PCDHGA3: variants seen among roughly 807,000 people sequenced by gnomAD.
PCDHGA3 encodes the protein protocadherin gamma subfamily A, 3.
Under a neutral mutation model 58.5 loss-of-function variants are expected in PCDHGA3, and 40 were observed. That is an observed-to-expected ratio of 0.68 (90% CI 0.53 to 0.89). PCDHGA3 has a LOEUF of 0.89. Among genes scored for constraint, PCDHGA3 ranks in the 40% least tolerant of loss-of-function variants. PCDHGA3 has a pLI of 0.00. For synonymous variants in PCDHGA3, 530 were observed against 525.7 expected, an observed-to-expected ratio of 1.01 and a Z score of -0.11; for missense variants, 1,223 against 1,195.9, an observed-to-expected ratio of 1.02 and a Z score of -0.33.
chr5:141,482,546 A>C (rs1489817593), intron 1 of PCDHGA3, among the ~76,000 whole-genome samples: 1 of 151,868 alleles, frequency 6.6e-6, no homozygotes, highest in African/African-American at 2.4e-5. Context: ...AAAAAAAAAA[A>C]AAAGATAATG....
intron 1 of PCDHGA3, chr5:141,419,434 G>A (rs372006900): frequency 2.5e-5 from 41 of 1,613,112 alleles, no homozygotes; most frequent in Non-Finnish European, 3.3e-5. Flanking sequence ...ACGAGCAGCT[G>A]CGCACCTTCG....
intron 1 of PCDHGA3, chr5:141,426,194 T>C (rs1482565872): frequency 6.4e-6 from 1 of 155,380 alleles, no homozygotes; most frequent in Non-Finnish European, 1.4e-5. Context: ...ACTGGGAGCA[T>C]TGAGTTTTCT....
At chr5:141,390,114 G>A in intron 1 of PCDHGA3, 1 of 1,614,048 alleles carries the variant, frequency 6.2e-7, no homozygotes, top group African/African-American at 1.3e-5. Flanking sequence ...CTACAGCGAG[G>A]GGACTTTGCC....
At chr5:141,365,447 G>C in intron 1 of PCDHGA3, 2 of 1,614,034 alleles carry the variant, frequency 1.2e-6, no homozygotes, top group Non-Finnish European at 1.7e-6. Flanking sequence ...TAGCGTACAT[G>C]ATGGTGATTC....
intron 1 of PCDHGA3, chr5:141,430,688 A>G: frequency 1.4e-6 from 2 of 1,402,360 alleles, no homozygotes; most frequent in Non-Finnish European, 1.9e-6. Context: ...GTCCCATTCT[A>G]TGGGCGAAGG....
At chr5:141,363,387 G>A (rs1302149411) in intron 1 of PCDHGA3, among the ~76,000 whole-genome samples, 2 of 151,916 alleles carry the variant, frequency 1.3e-5, no homozygotes, top group African/African-American at 4.8e-5. Flanking sequence ...TTCTATTTCT[G>A]TTGTCATATA....
Position 141,476,845 on chromosome 5 carries a change from C to T in PCDHGA3, c.2425-17962C>T. On this transcript the variant is annotated intron_variant, in intron 1 of 3. Transcript: ENST00000253812. The surrounding 1 kb of genome is among the most constrained non-coding windows in gnomAD (Gnocchi z 7.6). ...TGGACGCGAATGACAATGCGCCTGT[C>T]TTCAACCAGTCCTTGTACCGGGCGC... 1 of 1,613,794 alleles carries T rather than the reference C, an allele frequency of 6.2e-7. No homozygotes were observed. Among genetic ancestry groups the T allele is most frequent in the Non-Finnish European group, 8.5e-7 (1 of 1,180,054 alleles).
intron 1 of PCDHGA3, chr5:141,400,289 G>A: frequency 6.2e-7 from 1 of 1,614,074 alleles, no homozygotes; most frequent in South Asian, 1.1e-5. Context: ...GCCGCCTGGA[G>A]CTGCTTCCAA....
chr5:141,413,049 A>C (rs2095599926), intron 1 of PCDHGA3: 5 of 904,176 alleles, frequency 5.5e-6, no homozygotes, highest in Non-Finnish European at 8.1e-6. Context: ...GCTGCAGGGA[A>C]GCTCACTCCA....
intron 1 of PCDHGA3, chr5:141,392,278 G>C (rs2092498621): frequency 6.6e-6 from 1 of 152,148 alleles, no homozygotes; most frequent in Non-Finnish European, 1.5e-5. Flanking sequence ...ATAAAGCTTA[G>C]AGCACAATGG....
At chr5:141,444,380 A>G (rs1475986922) in intron 1 of PCDHGA3, among the ~76,000 whole-genome samples, 1 of 151,876 alleles carries the variant, frequency 6.6e-6, no homozygotes, top group Non-Finnish European at 1.5e-5. Context: ...CATGTTGGTC[A>G]GGCTAGTCTT....
chr5:141,482,248 C>G (rs1056466272), intron 1 of PCDHGA3, among the ~76,000 whole-genome samples: 1 of 152,084 alleles, frequency 6.6e-6, no homozygotes, highest in African/African-American at 2.4e-5. Context: ...AAGTATAGTA[C>G]TGTACATATT....
chr5:141,383,504 G>A lies in PCDHGA3; in HGVS notation c.2424+37047G>A, dbSNP rs373658496. On this transcript the variant is annotated intron_variant, in intron 1 of 3. Coordinates refer to ENST00000253812, the MANE Select transcript of PCDHGA3 (RefSeq NM_018916.4). Reference sequence around the variant, plus strand: ...CTGGTGCTGGAGCGGGTGCTGGACCGGGAGGAAGAGCGGGTTCACCACCTG... The same window carrying A: ...CTGGTGCTGGAGCGGGTGCTGGACCAGGAGGAAGAGCGGGTTCACCACCTG... 1.3e-5 allele frequency: 21 copies of A among 1,612,648 alleles called. No homozygotes were observed. In the Admixed American group the frequency reaches 2.8e-4, roughly 22 times the overall value.
chr5:141,509,350 G>C (rs2099876432), intron 3 of PCDHGA3, among the ~76,000 whole-genome samples: 5 of 152,142 alleles, frequency 3.3e-5, no homozygotes. Flanking sequence ...GGGCTGGCCT[G>C]GGCATCCCTG....
intron 1 of PCDHGA3, among the ~76,000 whole-genome samples, chr5:141,380,822 T>G (rs1446261285): frequency 1.3e-5 from 2 of 152,212 alleles, no homozygotes; most frequent in African/African-American, 4.8e-5. Flanking sequence ...AACTATGAAT[T>G]TTGAGGCATC....
chr5:141,511,412 C>A lies in PCDHGA3; in HGVS notation c.*239C>A. 1.1e-6 allele frequency: 1 copy of A among 892,000 alleles called. No homozygotes were observed. Among genetic ancestry groups the A allele is most frequent in the Non-Finnish European group, 1.6e-6 (1 of 609,476 alleles). The allele number at this position is 892,000 out of a possible 1,614,324, so 55.3% of individuals were successfully genotyped here. On this transcript the variant is annotated 3_prime_UTR_variant, in exon 4 of 4. Coordinates refer to ENST00000253812, the MANE Select transcript of PCDHGA3 (RefSeq NM_018916.4). ...AACCCCCATCCAATCAACTGCTGTA[C>A]CCATGGGGGTAGTGGGGTTACTGTA...
chr5:141,383,633 C>T (rs1298423457), intron 1 of PCDHGA3: 1 of 1,613,966 alleles, frequency 6.2e-7, no homozygotes. Context: ...TTCTCTCTGC[C>T]TCAGTACCAA....
chr5:141,410,065 G>C, intron 1 of PCDHGA3: 1 of 1,612,938 alleles, frequency 6.2e-7, no homozygotes, highest in South Asian at 1.1e-5. Context: ...GCCTGGGGCT[G>C]CGCACTGGGG....
chr5:141,476,564 C>G lies in PCDHGA3; in HGVS notation c.2425-18243C>G, dbSNP rs2099393821. 1.2e-6 allele frequency: 2 copies of G among 1,614,196 alleles called. No individual in the cohort carries two copies. Among genetic ancestry groups the G allele is most frequent in the South Asian group, 1.1e-5 (1 of 91,086 alleles). ...ATTGGAGATTAGCGAGGCCGTGGCT[C>G]CGGGGACGCGCTTTCCGCTCGAGAG... On this transcript the variant is annotated intron_variant, in intron 1 of 3. Coordinates refer to ENST00000253812, the MANE Select transcript of PCDHGA3 (RefSeq NM_018916.4). This position sits in a 1 kb window ranked among gnomAD's most constrained non-coding sequence, Gnocchi z 7.6.
Sources: allele counts gnomAD v4.1 joint callset (sites outside exome capture counted in the v4.1 genomes callset), GRCh38; gene constraint gnomAD v4.1.1; non-coding constraint Gnocchi (gnomAD v3.1); transcripts MANE v1.5; gene names NCBI Gene and HGNC (gene_info 2026-07-23, HGNC 2026-07-21).